TBC1D22A: variants seen among roughly 807,000 people sequenced by gnomAD.
TBC1D22A encodes the protein TBC1 domain family member 22A.
In TBC1D22A, 38 loss-of-function variants were observed where a neutral mutation model predicts 60.2. That is an observed-to-expected ratio of 0.63 (90% confidence interval 0.49 to 0.83). The LOEUF (loss-of-function observed/expected upper bound fraction) is 0.83, where lower values mean the gene tolerates loss of function less well. Among genes scored for constraint, TBC1D22A ranks in the 40% least tolerant of loss-of-function variants. The pLI, the probability that TBC1D22A is intolerant of heterozygous loss-of-function variation, is 0.00. For missense variants in TBC1D22A, 628 were observed against 701.0 expected, an observed-to-expected ratio of 0.90 and a Z score of 1.18; for synonymous variants, 302 against 281.7, an observed-to-expected ratio of 1.07 and a Z score of -0.72.
chr22:47,157,760 G>C (rs1293839757), intron 12 of TBC1D22A, among the ~76,000 whole-genome samples: 3 of 152,224 alleles, frequency 2.0e-5, no homozygotes, highest in African/African-American at 7.2e-5. Flanking sequence ...GGGCTGGGTA[G>C]GGCCGGTGCC....
rs1602661295 is a variant in TBC1D22A, at chr22:46,957,434, A to G, written c.1016-16856A>G. ...AAAGCAGGCATCTTCTTCACAAGGC[A>G]GCAGGAGAGAGTGAGTGCCAGCAGG... On this transcript the variant is annotated intron_variant, in intron 8 of 12. Transcript: ENST00000337137. 2.0e-5 allele frequency among the ~76,000 whole-genome samples: 3 copies of G among 152,252 alleles called. No homozygotes were observed. The South Asian group carries it at 6.2e-4, about 32-fold the overall frequency.
intron 7 of TBC1D22A, among the ~76,000 whole-genome samples, chr22:46,898,387 A>G (rs2068795577): frequency 6.6e-6 from 1 of 152,212 alleles, no homozygotes; most frequent in Non-Finnish European, 1.5e-5. Context: ...CACGCCTGGG[A>G]GACAGGTCTA....
intron 8 of TBC1D22A, among the ~76,000 whole-genome samples, chr22:46,963,356 C>G (rs890343468): frequency 6.6e-6 from 1 of 152,142 alleles, no homozygotes; most frequent in Non-Finnish European, 1.5e-5. Flanking sequence ...CATCACACTG[C>G]CTGCCCTGGG....
In TBC1D22A at chr22:47,173,633, G is replaced by A; in HGVS notation, c.*7G>A. ...CAATCACTACAAGAAATGAGCCCAG[G>A]CCCACCCGCAGCTGGCCTCACTGTC... On this transcript the variant is annotated 3_prime_UTR_variant, in exon 13 of 13. Coordinates refer to ENST00000337137, the MANE Select transcript of TBC1D22A (RefSeq NM_014346.5). 6.2e-7 allele frequency: 1 copy of A among 1,613,438 alleles called. No individual in the cohort carries two copies. Among genetic ancestry groups the A allele is most frequent in the Non-Finnish European group, 8.5e-7 (1 of 1,179,704 alleles).
intron 11 of TBC1D22A, among the ~76,000 whole-genome samples, chr22:47,050,756 G>A (rs1442288169): frequency 6.6e-6 from 1 of 152,096 alleles, no homozygotes; most frequent in Non-Finnish European, 1.5e-5. Flanking sequence ...CAGAACCTTG[G>A]GGTGGGTGGG....
intron 11 of TBC1D22A, among the ~76,000 whole-genome samples, chr22:47,104,472 A>T (rs1042395370): frequency 2.6e-5 from 3 of 117,424 alleles, no homozygotes; most frequent in Admixed American, 8.4e-5. Flanking sequence ...AGGCAAGTGG[A>T]TCACCTGAGG....
intron 12 of TBC1D22A, among the ~76,000 whole-genome samples, chr22:47,158,646 G>A (rs7291525): frequency 0.19 from 29,600 of 152,124 alleles, 3,688 homozygotes; most frequent in African/African-American, 0.35. Flanking sequence ...CCTCTGCTGC[G>A]TCCTGCTCAG....
At chr22:46,960,783 A>G (rs1368462650) in intron 8 of TBC1D22A, among the ~76,000 whole-genome samples, 2 of 151,920 alleles carry the variant, frequency 1.3e-5, no homozygotes, top group Non-Finnish European at 2.9e-5. Flanking sequence ...TGTCTCGACT[A>G]AAAAATACAA....
At chr22:47,165,241 T>G (rs966468805) in intron 12 of TBC1D22A, among the ~76,000 whole-genome samples, 1 of 152,084 alleles carries the variant, frequency 6.6e-6, no homozygotes, top group African/African-American at 2.4e-5. Context: ...TGTTTGCCTG[T>G]CTCGCTCCAG....
intron 10 of TBC1D22A, among the ~76,000 whole-genome samples, chr22:47,015,281 G>A (rs1250818934): frequency 6.6e-6 from 1 of 152,226 alleles, no homozygotes; most frequent in Non-Finnish European, 1.5e-5. Flanking sequence ...GCCTAGAGGA[G>A]TGCGAGACTC....
chr22:47,003,046 A>ATC (rs1386771879), intron 10 of TBC1D22A, among the ~76,000 whole-genome samples: 1 of 152,170 alleles, frequency 6.6e-6, no homozygotes, highest in Non-Finnish European at 1.5e-5. Context: ...AAACAACTGC[A>ATC]TCTCTCTACC....
intron 4 of TBC1D22A, among the ~76,000 whole-genome samples, chr22:46,798,762 G>A (rs766945791): frequency 1.2e-4 from 19 of 152,244 alleles, no homozygotes; most frequent in Non-Finnish European, 2.4e-4. Flanking sequence ...GAGGTGCAAC[G>A]CCTGGCTTGG....
Position 47,041,720 on chromosome 22 carries a change from T to C in TBC1D22A, c.1329+4522T>C, listed in dbSNP as rs546697304. ...TGCCTCGAGAGGCTGCTGCTAGGAC[T>C]GAGGAAGGTTTTTCGAGTGAGGATT... On this transcript the variant is annotated intron_variant, in intron 11 of 12. Transcript: ENST00000337137. Among the ~76,000 whole-genome samples the C allele has an allele frequency of 5.9e-5, 9 of 152,324 alleles. No homozygotes were observed. The East Asian group carries it at 9.6e-4, about 16-fold the overall frequency.
intron 8 of TBC1D22A, among the ~76,000 whole-genome samples, chr22:46,925,729 A>G (rs1399384079): frequency 7.2e-5 from 11 of 152,240 alleles, no homozygotes; most frequent in Admixed American, 7.2e-4. Flanking sequence ...TTTTAAAAGT[A>G]GCAACATACT....
At chr22:46,774,437 A>C (rs1404897234) in intron 1 of TBC1D22A, among the ~76,000 whole-genome samples, 1 of 152,242 alleles carries the variant, frequency 6.6e-6, no homozygotes, top group South Asian at 2.1e-4. Flanking sequence ...ATAAACATGG[A>C]AATTCCACCC....
chr22:46,864,922 C>G (rs889313388), intron 4 of TBC1D22A, among the ~76,000 whole-genome samples: 1 of 152,152 alleles, frequency 6.6e-6, no homozygotes, highest in Non-Finnish European at 1.5e-5. Flanking sequence ...TTTGCTGGCT[C>G]CCATTTGGGC....
chr22:46,997,960 T>C (rs1239828064), intron 10 of TBC1D22A, among the ~76,000 whole-genome samples: 1 of 152,176 alleles, frequency 6.6e-6, no homozygotes, highest in Non-Finnish European at 1.5e-5. Context: ...CAGGCAGTGC[T>C]CACTCCTTAT....
chr22:47,114,349 G>A (rs962760964), intron 12 of TBC1D22A, among the ~76,000 whole-genome samples: 3 of 152,076 alleles, frequency 2.0e-5, no homozygotes, highest in Non-Finnish European at 4.4e-5. Flanking sequence ...GGGAGGAGGC[G>A]CTGGCAGAGG....
intron 11 of TBC1D22A, among the ~76,000 whole-genome samples, chr22:47,065,246 T>G (rs984252406): frequency 6.6e-6 from 1 of 152,272 alleles, no homozygotes; most frequent in South Asian, 2.1e-4. Context: ...TCCGCCCACG[T>G]TGGCCTCCCA....
Sources: allele counts gnomAD v4.1 joint callset (sites outside exome capture counted in the v4.1 genomes callset), GRCh38; gene constraint gnomAD v4.1.1; transcripts MANE v1.5; gene names NCBI Gene and HGNC (gene_info 2026-07-23, HGNC 2026-07-21).